Variants in DRC9 observed in about 807,000 individuals in gnomAD.
DRC9 encodes dynein regulatory complex protein 9.
chr3:197,912,634 C>CAA, the DRC9 span: 1 of 1,381,190 alleles, frequency 7.2e-7, no homozygotes, highest in Non-Finnish European at 1.0e-6. Context: ...AAGCAGAGTA[C>CAA]AAAAAAAAAG....
chr3:197,894,532 C>T, the DRC9 span: 1 of 152,028 alleles, frequency 6.6e-6, no homozygotes. Context: ...ACATATATAC[C>T]AAAATTGGAA....
the DRC9 span, among the ~76,000 whole-genome samples, chr3:197,910,996 A>AG: frequency 1.3e-5 from 2 of 151,736 alleles, no homozygotes; most frequent in African/African-American, 4.8e-5. Context: ...AAAAAAAAAA[A>AG]AAAGAAAGAA....
At chr3:197,892,711 T>G in the DRC9 span, 1 of 1,614,204 alleles carries the variant, frequency 6.2e-7, no homozygotes, top group Non-Finnish European at 8.5e-7. Flanking sequence ...TTCATTTCTG[T>G]GTCCTTATCG....
At chr3:197,938,586 G>A in the DRC9 span, 2 of 1,613,968 alleles carry the variant, frequency 1.2e-6, no homozygotes, top group East Asian at 4.5e-5. Flanking sequence ...CCGTAGTCAT[G>A]ATGGTCTGCC....
the DRC9 span, among the ~76,000 whole-genome samples, chr3:197,919,334 C>T: frequency 2.6e-5 from 4 of 152,182 alleles, no homozygotes; most frequent in East Asian, 1.9e-4. Context: ...TACTAACAAG[C>T]GAGCGGAAGT....
the DRC9 span, among the ~76,000 whole-genome samples, chr3:197,898,924 G>T: frequency 6.6e-6 from 1 of 152,216 alleles, no homozygotes; most frequent in Non-Finnish European, 1.5e-5. Context: ...AAGAAAAAAG[G>T]AAAGAAGGCA....
the DRC9 span, among the ~76,000 whole-genome samples, chr3:197,914,747 C>G: frequency 3.3e-5 from 5 of 151,886 alleles, no homozygotes; most frequent in African/African-American, 1.2e-4. Flanking sequence ...AAGGAAGGCT[C>G]GAGAGGCTGT....
chr3:197,931,587 T>G, the DRC9 span, among the ~76,000 whole-genome samples: 1 of 152,148 alleles, frequency 6.6e-6, no homozygotes, highest in Non-Finnish European at 1.5e-5. Flanking sequence ...TTTGTTATTG[T>G]TCAGTGATTT....
chr3:197,953,921 G>C, the DRC9 span: 2 of 1,446,496 alleles, frequency 1.4e-6, no homozygotes, highest in Middle Eastern at 2.4e-4. Flanking sequence ...CCAGGGTTGA[G>C]AGCCACTCGT....
At chr3:197,901,932 G>A in the DRC9 span, among the ~76,000 whole-genome samples, 1 of 152,182 alleles carries the variant, frequency 6.6e-6, no homozygotes, top group African/African-American at 2.4e-5. This position sits in a 1 kb window ranked among gnomAD's most constrained non-coding sequence, Gnocchi z 4.4. Context: ...ACCAGGTGCT[G>A]TGCTGGCTTC....
the DRC9 span, chr3:197,954,441 C>T: frequency 6.8e-6 from 3 of 439,636 alleles, no homozygotes; most frequent in African/African-American, 4.0e-5. Context: ...TCAAGCAATC[C>T]TTCCACCTCA....
the DRC9 span, among the ~76,000 whole-genome samples, chr3:197,926,741 T>A: frequency 6.6e-6 from 1 of 152,112 alleles, no homozygotes; most frequent in Non-Finnish European, 1.5e-5. Context: ...AGTCAGGGCG[T>A]CTCTGATGGT....
chr3:197,945,704 C>T, the DRC9 span: 21 of 995,918 alleles, frequency 2.1e-5, no homozygotes, highest in South Asian at 2.3e-4. Context: ...GGGAAAGAAA[C>T]ACTGAGATTA....
At chr3:197,906,881 A>C in the DRC9 span, among the ~76,000 whole-genome samples, 1 of 152,200 alleles carries the variant, frequency 6.6e-6, no homozygotes, top group Non-Finnish European at 1.5e-5. Flanking sequence ...GTTTCTGGCT[A>C]CCAGACCCAG....
At chr3:197,897,937 A>ATTTTTTTTTTTT in the DRC9 span, among the ~76,000 whole-genome samples, 3 of 133,066 alleles carry the variant, frequency 2.3e-5, no homozygotes, top group African/African-American at 5.9e-5. Flanking sequence ...CGCCCAGCTA[A>ATTTTTTTTTTTT]TTTTTTTTTT....
At chr3:197,951,655 A>G in the DRC9 span, 1 of 287,364 alleles carries the variant, frequency 3.5e-6, no homozygotes, top group Non-Finnish European at 6.8e-6. Flanking sequence ...GCCTGGCCTC[A>G]TTATCCTATT....
chr3:197,931,431 G>C, the DRC9 span, among the ~76,000 whole-genome samples: 1 of 151,692 alleles, frequency 6.6e-6, no homozygotes, highest in Admixed American at 6.6e-5. Flanking sequence ...GCAGTGAACT[G>C]AGATCGTGCC....
chr3:197,954,550 C>T, the DRC9 span: 11 of 319,866 alleles, frequency 3.4e-5, no homozygotes, highest in African/African-American at 8.7e-5. Flanking sequence ...CACTTTGTCA[C>T]GCAGGCTGGA....
chr3:197,913,613 C>T, the DRC9 span: 1 of 576,588 alleles, frequency 1.7e-6, no homozygotes. Flanking sequence ...ATTGGTTTGC[C>T]AAAATAAGAA....
Sources: gnomAD v4.1 joint callset for allele counts (sites outside exome capture counted in the v4.1 genomes callset) on GRCh38, gnomAD v4.1.1 for gene constraint, Gnocchi (gnomAD v3.1) non-coding constraint, MANE v1.5 for transcripts, NCBI Gene and HGNC (gene_info 2026-07-23, HGNC 2026-07-21) for gene names.